The following PNLIPRP1 variants were observed in gnomAD, a reference collection of about 807,000 sequenced individuals.
PNLIPRP1 encodes the protein pancreatic lipase related protein 1, also known as inactive pancreatic lipase-related protein 1.
PNLIPRP1 carries 57 observed loss-of-function variants against 54.6 expected under a neutral mutation model. The ratio of observed to expected loss-of-function variants is 1.04; its 90% CI spans 0.84 to 1.30. The LOEUF (loss-of-function observed/expected upper bound fraction) is 1.30. Among genes scored for constraint, PNLIPRP1 ranks in the 50% most tolerant of loss-of-function variants. PNLIPRP1 has a pLI of 0.00. For missense variants in PNLIPRP1, 567 were observed against 568.5 expected, an observed-to-expected ratio of 1.00 and a Z score of 0.03; for synonymous variants, 232 against 208.8, an observed-to-expected ratio of 1.11 and a Z score of -0.96.
At chr10:116,595,670 T>A (rs968879132) in intron 5 of PNLIPRP1, 3 of 153,136 alleles carry the variant, frequency 2.0e-5, no homozygotes, top group African/African-American at 7.2e-5. Flanking sequence ...TGGAGCAGAA[T>A]GTCAGGAGTA....
In PNLIPRP1 at chr10:116,600,029, CCTT is replaced by C. The variant is rs1554864544; in HGVS notation, c.815-17_815-15del. 3 of 1,559,498 alleles carry C rather than the reference CCTT, an allele frequency of 1.9e-6. No individual in the cohort carries two copies. The highest frequency in any genetic ancestry group is 2.7e-6 in the Non-Finnish European group (3 of 1,130,326). ...GGCCCCCAACCACCTGTTCAGGTCT[CCTT>C]ATTTGTTTTCCCAGGAACCCGGGAC... On this transcript the variant is annotated splice_polypyrimidine_tract_variant and intron_variant, in intron 8 of 12. Transcript: ENST00000358834.
chr10:116,604,922 A>C, intron 11 of PNLIPRP1, among the ~76,000 whole-genome samples: 1 of 151,822 alleles, frequency 6.6e-6, no homozygotes, highest in East Asian at 1.9e-4. Context: ...CGAACTTCTG[A>C]CCTCAAGTGA....
At chr10:116,591,040 G>T (rs1847626066) in intron 1 of PNLIPRP1, 45 bp downstream of exon 1, 2 of 954,634 alleles carry the variant, frequency 2.1e-6, no homozygotes, top group Non-Finnish European at 3.3e-6. Flanking sequence ...TGACGTACAG[G>T]TGAGGTAAAC....
chr10:116,601,011 AG>A, intron 9 of PNLIPRP1, 60 bp from the exon 10 acceptor site: 1 of 1,488,170 alleles, frequency 6.7e-7, no homozygotes, highest in Middle Eastern at 1.8e-4. Context: ...CTGCCCTCTC[AG>A]ATGTATCGAT....
chr10:116,605,075 T>A (rs1328478277), intron 11 of PNLIPRP1, among the ~76,000 whole-genome samples: 1 of 152,166 alleles, frequency 6.6e-6, no homozygotes, highest in Non-Finnish European at 1.5e-5. Context: ...CAATAACACA[T>A]GCTTATTGTG....
At chr10:116,597,779 A>C (rs1847761796) in intron 6 of PNLIPRP1, 49 bp from the exon 7 acceptor site, 2 of 1,611,844 alleles carry the variant, frequency 1.2e-6, no homozygotes, top group Non-Finnish European at 1.7e-6. Context: ...GGTGCTGCTG[A>C]CATCTACAGT....
chr10:116,592,250 T>A, intron 3 of PNLIPRP1, 166 bp from the exon 4 acceptor site: 1 of 748,290 alleles, frequency 1.3e-6, no homozygotes, highest in South Asian at 1.9e-5. Context: ...ATTACTCACC[T>A]GGAGAGATGG....
chr10:116,606,357 G>A (rs1227345219), intron 12 of PNLIPRP1, among the ~76,000 whole-genome samples: 3 of 152,114 alleles, frequency 2.0e-5, no homozygotes, highest in Non-Finnish European at 2.9e-5. Flanking sequence ...TTATCCCCAC[G>A]AGGCAAGGAG....
In PNLIPRP1 at chr10:116,591,805, T is replaced by C. The variant is rs553781940; in HGVS notation, c.84T>C (p.Phe28=). 3 of 1,614,204 alleles carry C rather than the reference T, an allele frequency of 1.9e-6. No individual in the cohort carries two copies. Among genetic ancestry groups the C allele is most frequent in the East Asian group, 4.5e-5 (2 of 44,872 alleles). ...KEVCYEDLGC[F]SDTEPWGGTA... ...TTTGCTATGAGGACCTCGGGTGCTTTTCTGACACTGAGCCCTGGGGCGGGA... is the reference window on the plus strand; with the variant it reads ...TTTGCTATGAGGACCTCGGGTGCTTCTCTGACACTGAGCCCTGGGGCGGGA... Residue 28 remains phenylalanine (F), a synonymous_variant, in exon 3 of 13, where the codon TTT becomes TTC. Transcript: ENST00000358834.
intron 12 of PNLIPRP1, among the ~76,000 whole-genome samples, chr10:116,607,746 T>C (rs954573097): frequency 7.9e-5 from 12 of 152,218 alleles, no homozygotes; most frequent in Admixed American, 4.6e-4. Flanking sequence ...CCGTGGTTCT[T>C]GAACAACCAC....
chr10:116,598,760 G>A (rs1847779396), intron 8 of PNLIPRP1, among the ~76,000 whole-genome samples: 2 of 152,124 alleles, frequency 1.3e-5, no homozygotes, highest in Non-Finnish European at 2.9e-5. Context: ...GGGAAGAAAG[G>A]GCATCCTGCA....
In PNLIPRP1 at chr10:116,596,304, G is replaced by C; in HGVS notation, c.556G>C (p.Gly186Arg). Residue 186 changes from glycine to arginine, a missense_variant, in exon 6 of 13, where the codon GGC (glycine) becomes CGC (arginine). Coordinates refer to ENST00000358834, the MANE Select transcript of PNLIPRP1 (RefSeq NM_006229.4). ...TGGAGAGGCAGGAAGCAAGACTCCA[G>C]GCCTGAGCAGGATTACAGGTAAGGC... ...VAGEAGSKTP[G>R]LSRITGLDPV... 1 of 1,611,844 alleles carries C rather than the reference G, an allele frequency of 6.2e-7. No homozygotes were observed.
intron 3 of PNLIPRP1, 182 bp downstream of exon 3, chr10:116,592,107 A>G (rs1444915451): frequency 1.4e-5 from 9 of 665,180 alleles, no homozygotes; most frequent in Non-Finnish European, 2.3e-5. Context: ...GGCTTGAATG[A>G]ATGAATGGTT....
chr10:116,596,584 G>C (rs1335378004), intron 6 of PNLIPRP1, among the ~76,000 whole-genome samples: 1 of 152,106 alleles, frequency 6.6e-6, no homozygotes, highest in African/African-American at 2.4e-5. Flanking sequence ...TGGTTTTCTG[G>C]TGGTGTTCGC....
At chr10:116,608,569 T>G (rs1378962641) in intron 12 of PNLIPRP1, among the ~76,000 whole-genome samples, 2 of 152,224 alleles carry the variant, frequency 1.3e-5, no homozygotes, top group African/African-American at 4.8e-5. Context: ...TCTCCTGTAA[T>G]GTAGAACTAA....
chr10:116,594,973 T>C lies in PNLIPRP1; in HGVS notation c.465+109T>C, dbSNP rs1467210879. The C allele has an allele frequency of 5.3e-6, 7 of 1,320,144 alleles. No homozygotes were observed. The South Asian group carries it at 5.6e-5, about 11-fold the overall frequency. The allele number at this position is 1,320,144 out of a possible 1,614,324, so 81.8% of individuals were successfully genotyped here. ...ATTAAAGAAGGACAAAGAATTGATA[T>C]CCAGACCTTACTTCTAAAACTCTGA... On this transcript the variant is annotated intron_variant, in intron 5 of 12. Coordinates refer to ENST00000358834, the MANE Select transcript of PNLIPRP1 (RefSeq NM_006229.4).
rs116664931 is a variant in PNLIPRP1, at chr10:116,591,882, C to T, written c.161C>T (p.Thr54Ile). 175 of 1,614,186 alleles carry T rather than the reference C, an allele frequency of 1.1e-4. No individual in the cohort carries two copies. In the African/African-American group the frequency reaches 2.2e-3, roughly 20 times the overall value. ...ILPWSPEKIG[T>I]RFLLYTNENP... The stretch of plus-strand genomic sequence containing the variant: ...CCCTGGAGCCCTGAGAAGATCGGCA[C>T]CCGCTTCCTGCTGTACACCAATGAA... Residue 54 changes from threonine to isoleucine, a missense_variant, in exon 3 of 13, where the codon ACC (threonine) becomes ATC (isoleucine). Transcript: ENST00000358834.
intron 12 of PNLIPRP1, among the ~76,000 whole-genome samples, chr10:116,608,594 C>G (rs546642959): frequency 6.6e-6 from 1 of 152,378 alleles, no homozygotes; most frequent in South Asian, 2.1e-4. Context: ...CAGACCCCCT[C>G]ACACATGTGT....
intron 3 of PNLIPRP1, 138 bp downstream of exon 3, chr10:116,592,063 C>G (rs1847649361): frequency 1.2e-6 from 1 of 838,358 alleles, no homozygotes; most frequent in Non-Finnish European, 1.9e-6. Context: ...CCAGACCTAG[C>G]TAGACCTAGA....
Sources: allele counts gnomAD v4.1 joint callset (sites outside exome capture counted in the v4.1 genomes callset), GRCh38; gene constraint gnomAD v4.1.1; transcripts MANE v1.5; gene names NCBI Gene and HGNC (gene_info 2026-07-23, HGNC 2026-07-21).